The following RC3H2 variants were observed in gnomAD, a reference collection of about 807,000 sequenced individuals.
RC3H2 encodes the protein ring finger and CCCH-type domains 2.
In RC3H2, 31 loss-of-function variants were observed where a neutral mutation model predicts 133.3. The observed-to-expected ratio is 0.23, with a 90% CI of 0.17 to 0.31. The LOEUF is 0.31. Among genes scored for constraint, RC3H2 ranks in the 10% least tolerant of loss-of-function variants. The probability of loss-of-function intolerance (pLI) is 1.00; values close to 1 mark genes in which losing one functional copy is unlikely to be tolerated. For synonymous variants in RC3H2, 517 were observed against 502.2 expected (o/e 1.03, Z -0.40); for missense variants, 1,175 against 1,437.2 (o/e 0.82, Z 2.95).
chr9:122,872,502 C>G (rs1418571118), intron 9 of RC3H2, among the ~76,000 whole-genome samples: 1 of 152,292 alleles, frequency 6.6e-6, no homozygotes, highest in East Asian at 1.9e-4. Flanking sequence ...AATCCAAATT[C>G]TTTGCTATGG....
chr9:122,894,358 A>G (rs947109849), intron 2 of RC3H2, among the ~76,000 whole-genome samples: 1 of 152,200 alleles, frequency 6.6e-6, no homozygotes, highest in African/African-American at 2.4e-5. Context: ...TATATCAATG[A>G]GCAAAACAGA....
chr9:122,859,011 G>A lies in RC3H2; in HGVS notation c.1941C>T (p.Leu647=). 6.2e-7 allele frequency: 1 copy of A among 1,613,990 alleles called. No homozygotes were observed. The highest frequency in any genetic ancestry group is 8.5e-7 in the Non-Finnish European group (1 of 1,179,874). The change falls in exon 12 of 21, where the codon CTC becomes CTT. Residue 647 remains leucine (L), a synonymous_variant. Transcript: ENST00000357244. ...VRSNNVPESS[L]PPASMPYADH... Reference sequence around the variant, plus strand: ...CGGCATATGGCATGGAAGCAGGTGGGAGGGAGGACTCTGGAACGTTATTGG... The same window carrying A: ...CGGCATATGGCATGGAAGCAGGTGGAAGGGAGGACTCTGGAACGTTATTGG...
Position 122,853,984 on chromosome 9 carries a change from A to C in RC3H2, c.3085T>G (p.Leu1029Val), listed in dbSNP as rs1319530445. 1.9e-6 allele frequency: 3 copies of C among 1,614,116 alleles called. No individual in the cohort carries two copies. The highest frequency in any genetic ancestry group is 2.7e-5 in the African/African-American group (2 of 74,944). Reference sequence around the variant, plus strand: ...TTTCTTAGTTCAATTTCCTTGCTTAAAAGGTTTAAGGTAAGGTGACGGCCT... The same window carrying C: ...TTTCTTAGTTCAATTTCCTTGCTTACAAGGTTTAAGGTAAGGTGACGGCCT... The part of the protein sequence containing the change: ...DEGRHLTLNL[L>V]SKEIELRNGE... The change falls in exon 18 of 21, where the codon TTA (leucine) becomes GTA (valine). Residue 1029 changes from leucine (L) to valine (V), a missense_variant. Physicochemically the swap from Leu to Val is conservative, Grantham distance 32 (BLOSUM62 1). Around this residue, in one of 8 missense-constraint regions of RC3H2, gnomAD observed 220 missense variants for 201.1 expected, o/e 1.09. Coordinates refer to ENST00000357244, the MANE Select transcript of RC3H2 (RefSeq NM_001100588.3).
intron 10 of RC3H2, among the ~76,000 whole-genome samples, chr9:122,864,020 A>C (rs1352157621): frequency 6.6e-6 from 1 of 152,220 alleles, no homozygotes; most frequent in African/African-American, 2.4e-5. Flanking sequence ...TACAGGCCTG[A>C]GCCACCGTGC....
intron 17 of RC3H2, 49 bp from the exon 18 acceptor site, chr9:122,854,135 C>CGAA: frequency 6.2e-7 from 1 of 1,611,870 alleles, no homozygotes; most frequent in Non-Finnish European, 8.5e-7. Flanking sequence ...CTATAGCTTT[C>CGAA]AACTGTCATT....
intron 12 of RC3H2, 78 bp downstream of exon 12, chr9:122,858,591 G>T: frequency 1.7e-6 from 2 of 1,183,044 alleles, no homozygotes; most frequent in South Asian, 1.4e-5. Context: ...AAGTGGAGGA[G>T]CCAGGATATA....
intron 13 of RC3H2, among the ~76,000 whole-genome samples, chr9:122,856,849 T>C (rs1830268591): frequency 6.6e-6 from 1 of 152,210 alleles, no homozygotes; most frequent in African/African-American, 2.4e-5. Context: ...GAAATACTCA[T>C]TTCCTGAAGC....
intron 4 of RC3H2, among the ~76,000 whole-genome samples, chr9:122,886,351 C>A (rs182157450): frequency 6.6e-6 from 1 of 152,090 alleles, no homozygotes; most frequent in Non-Finnish European, 1.5e-5. Flanking sequence ...TTGTGAATAA[C>A]GCTGCAATAA....
chr9:122,852,473 C>T (rs1048798326), intron 18 of RC3H2, among the ~76,000 whole-genome samples: 2 of 147,928 alleles, frequency 1.4e-5, no homozygotes, highest in African/African-American at 5.0e-5. Flanking sequence ...TGCCCGGCCG[C>T]CCCTACTGGG....
At chr9:122,863,935 C>A (rs919824033) in intron 10 of RC3H2, among the ~76,000 whole-genome samples, 6 of 152,170 alleles carry the variant, frequency 3.9e-5, no homozygotes, top group Admixed American at 6.5e-5. Flanking sequence ...CGGGGTTTCT[C>A]CATGTTGGTC....
chr9:122,854,049 T>C lies in RC3H2; in HGVS notation c.3020A>G (p.Asn1007Ser), dbSNP rs755355708. Residue 1007 changes from asparagine to serine, a missense_variant, in exon 18 of 21, where the codon AAT becomes AGT. Transcript: ENST00000357244. ...SNSLLLQREA[N>S]ALAMQQKWNS... ...CCACTTCTGTTGCATGGCCAAAGCA[T>C]TGGCCTCTCTCTGAAGAAGTAATGA... is the stretch of plus-strand genomic sequence containing the variant. 12 of 1,614,040 alleles carry C rather than the reference T, an allele frequency of 7.4e-6. No individual in the cohort carries two copies. The highest frequency in any genetic ancestry group is 2.2e-5 in the East Asian group (1 of 44,896).
intron 3 of RC3H2, among the ~76,000 whole-genome samples, 197 bp downstream of exon 3, chr9:122,892,712 T>C (rs1343647412): frequency 6.6e-6 from 1 of 152,090 alleles, no homozygotes; most frequent in African/African-American, 2.4e-5. Context: ...CGCCCGGCTC[T>C]AGCTTGAATT....
chr9:122,859,252 CTTTTTTTTT>C (rs10608695), intron 11 of RC3H2, 150 bp from the exon 12 acceptor site: 46 of 188,728 alleles, frequency 2.4e-4, no homozygotes, highest in Admixed American at 3.5e-4. Context: ...TATACCCTGG[CTTTTTTTTT>C]TTTTTTTTTT....
chr9:122,876,446 G>A (rs1831341276), intron 9 of RC3H2, among the ~76,000 whole-genome samples: 1 of 152,058 alleles, frequency 6.6e-6, no homozygotes, highest in South Asian at 2.1e-4. Context: ...TGGTGAACAT[G>A]GTGAAACCCT....
Position 122,899,709 on chromosome 9 carries a change from T to C in RC3H2, c.-67-2133A>G, listed in dbSNP as rs370988032. ...ATTTTTAACATCCAGTTTTCTGGTT[T>C]GCAGAGTTATACAAGAAAAGGCCTT... On this transcript the variant is annotated intron_variant, in intron 1 of 20. Coordinates refer to ENST00000357244, the MANE Select transcript of RC3H2 (RefSeq NM_001100588.3). Among the ~76,000 whole-genome samples the C allele has an allele frequency of 1.4e-4, 21 of 152,360 alleles. No individual in the cohort carries two copies. The East Asian group carries it at 1.5e-3, about 11-fold the overall frequency.
intron 9 of RC3H2, among the ~76,000 whole-genome samples, chr9:122,867,011 C>T (rs1440685130): frequency 1.1e-4 from 15 of 132,724 alleles, no homozygotes; most frequent in African/African-American, 3.7e-4. Context: ...GCCTTTGCCC[C>T]ACCGCCCCGT....
At chr9:122,870,242 G>A (rs1022009516) in intron 9 of RC3H2, among the ~76,000 whole-genome samples, 1 of 151,962 alleles carries the variant, frequency 6.6e-6, no homozygotes, top group African/African-American at 2.4e-5. Flanking sequence ...AGAAGTGGTG[G>A]GACATGCCTG....
chr9:122,865,777 T>G, intron 9 of RC3H2, 120 bp from the exon 10 acceptor site: 1 of 774,380 alleles, frequency 1.3e-6, no homozygotes, highest in South Asian at 1.8e-5. Context: ...ACAAAAAGTT[T>G]CTTCAGCTAA....
chr9:122,900,648 TTA>T, intron 1 of RC3H2, among the ~76,000 whole-genome samples: 1 of 152,304 alleles, frequency 6.6e-6, no homozygotes, highest in East Asian at 1.9e-4. Flanking sequence ...TTTATGCAAC[TTA>T]TTTGAGTCTA....
Sources: allele counts gnomAD v4.1 joint callset (sites outside exome capture counted in the v4.1 genomes callset), GRCh38; gene constraint gnomAD v4.1.1; regional missense constraint gnomAD v4.1.1; transcripts MANE v1.5; gene names NCBI Gene and HGNC (gene_info 2026-07-23, HGNC 2026-07-21).